The following TNKS variants were observed in gnomAD, a reference collection of about 807,000 sequenced individuals.
TNKS encodes the protein tankyrase, also known as poly [ADP-ribose] polymerase tankyrase-1.
In TNKS, 72 loss-of-function variants were observed where a neutral mutation model predicts 135.8. The ratio of observed to expected loss-of-function variants is 0.53; its 90% CI spans 0.44 to 0.64. The LOEUF (loss-of-function observed/expected upper bound fraction) is 0.64. Among genes scored for constraint, TNKS ranks in the 30% least tolerant of loss-of-function variants. The probability of loss-of-function intolerance (pLI) is 0.00; values close to 1 mark genes in which losing one functional copy is unlikely to be tolerated. For synonymous variants in TNKS, 849 were observed against 649.3 expected (o/e 1.31, Z -4.68); for missense variants, 1,769 against 1,674.0 (o/e 1.06, Z -0.99).
intron 2 of TNKS, among the ~76,000 whole-genome samples, chr8:9,584,906 A>G (rs944311142): frequency 1.3e-5 from 2 of 152,186 alleles, no homozygotes; most frequent in African/African-American, 4.8e-5. Context: ...TGGTGTTCCA[A>G]CGCATGTGGG....
At chr8:9,708,530 A>G (rs372897778) in intron 9 of TNKS, 38 bp downstream of exon 9, 6 of 1,478,258 alleles carry the variant, frequency 4.1e-6, no homozygotes, top group Non-Finnish European at 5.4e-6. Context: ...TGTGTCTATA[A>G]TAATAACGTA....
chr8:9,584,150 C>G (rs1362561451), intron 2 of TNKS, among the ~76,000 whole-genome samples: 1 of 125,212 alleles, frequency 8.0e-6, no homozygotes, highest in African/African-American at 3.1e-5. Flanking sequence ...GGTGACAGAG[C>G]AAGACTCTGT....
At chr8:9,692,239 G>T (rs781590243) in intron 5 of TNKS, among the ~76,000 whole-genome samples, 5 of 152,138 alleles carry the variant, frequency 3.3e-5, no homozygotes, top group Non-Finnish European at 5.9e-5. Context: ...TTTTCCCATC[G>T]TTGTGTTCAG....
chr8:9,615,709 A>G lies in TNKS; in HGVS notation c.994+32A>G, dbSNP rs374250803. On this transcript the variant is annotated intron_variant, in intron 3 of 26. Transcript: ENST00000310430. The stretch of plus-strand genomic sequence containing the variant: ...AGACAGAGAGCTACCGAATGATTAT[A>G]TCTGTGTAACTCCTTACTTGATTTT... 3.9e-6 allele frequency: 6 copies of G among 1,535,762 alleles called. No homozygotes were observed. In the African/African-American group the frequency reaches 6.8e-5, roughly 18 times the overall value.
intron 15 of TNKS, 56 bp from the exon 16 acceptor site, chr8:9,734,809 T>A: frequency 6.9e-7 from 1 of 1,445,694 alleles, no homozygotes; most frequent in Non-Finnish European, 9.5e-7. Context: ...CCTACCTACC[T>A]ACCTACCTAC....
chr8:9,701,617 G>C (rs1803808496), intron 5 of TNKS, among the ~76,000 whole-genome samples: 2 of 152,194 alleles, frequency 1.3e-5, no homozygotes, highest in South Asian at 2.1e-4. Flanking sequence ...CAAAATGTAT[G>C]AAACAGTGGT....
At chr8:9,587,201 G>A (rs1798413938) in intron 2 of TNKS, among the ~76,000 whole-genome samples, 1 of 152,044 alleles carries the variant, frequency 6.6e-6, no homozygotes, top group African/African-American at 2.4e-5. Context: ...AGATTCCTTA[G>A]AAGTAGAAGA....
chr8:9,751,475 A>G, intron 18 of TNKS, 134 bp from the exon 19 acceptor site: 1 of 686,274 alleles, frequency 1.5e-6, no homozygotes, highest in South Asian at 2.0e-5. Context: ...AGGAGAAGGA[A>G]TGATCAAAAA....
intron 20 of TNKS, among the ~76,000 whole-genome samples, chr8:9,759,892 G>A (rs1217399844): frequency 2.0e-5 from 3 of 151,928 alleles, no homozygotes; most frequent in Admixed American, 6.5e-5. Context: ...AGAGAATGGC[G>A]TGAACCCAGG....
intron 20 of TNKS, among the ~76,000 whole-genome samples, chr8:9,754,479 A>G (rs1028864435): frequency 1.3e-5 from 2 of 152,020 alleles, no homozygotes; most frequent in African/African-American, 2.4e-5. Flanking sequence ...ATTTATATCA[A>G]TTATACTGTT....
intron 2 of TNKS, among the ~76,000 whole-genome samples, chr8:9,583,969 C>G (rs1208873694): frequency 6.6e-6 from 1 of 151,360 alleles, no homozygotes; most frequent in Non-Finnish European, 1.5e-5. Flanking sequence ...TTGAGACCAT[C>G]CTGGCTAACA....
chr8:9,620,170 G>A (rs1198023809), intron 3 of TNKS, among the ~76,000 whole-genome samples: 1 of 152,064 alleles, frequency 6.6e-6, no homozygotes, highest in African/African-American at 2.4e-5. Flanking sequence ...GGATGGTCTC[G>A]ATCTCCTGAC....
At chr8:9,729,715 T>A (rs1439987469) in intron 13 of TNKS, among the ~76,000 whole-genome samples, 21 of 151,968 alleles carry the variant, frequency 1.4e-4, no homozygotes, top group Admixed American at 1.4e-3. Context: ...CCCTGGTTTG[T>A]TATCTATCAA....
At chr8:9,630,497 A>G (rs1035000614) in intron 3 of TNKS, among the ~76,000 whole-genome samples, 2 of 152,222 alleles carry the variant, frequency 1.3e-5, no homozygotes, top group African/African-American at 4.8e-5. Flanking sequence ...TGCAAGTTCT[A>G]CTTTCAGCTG....
In TNKS at chr8:9,579,708, AC is replaced by A. The variant is rs879781623; in HGVS notation, c.674-448del. Among the ~76,000 whole-genome samples, 283 of 152,060 alleles carry A rather than the reference AC, an allele frequency of 1.9e-3. 1 individual carries two copies. The highest frequency in any genetic ancestry group is 3.3e-3 in the Non-Finnish European group (221 of 67,984). On this transcript the variant is annotated intron_variant, in intron 1 of 26. Transcript: ENST00000310430. The stretch of plus-strand genomic sequence containing the variant: ...GGTCTTGAACTCCTGACCTCAGGTG[AC>A]CCGCCCACCTCGGCCTCACACAGTG...
At chr8:9,714,354 G>T (rs539270522) in intron 11 of TNKS, among the ~76,000 whole-genome samples, 2 of 151,102 alleles carry the variant, frequency 1.3e-5, no homozygotes, top group Admixed American at 6.6e-5. Context: ...AATCAAATGA[G>T]CATATGTATA....
chr8:9,708,075 T>A (rs1804135585), intron 8 of TNKS, among the ~76,000 whole-genome samples: 1 of 152,172 alleles, frequency 6.6e-6, no homozygotes. Context: ...ATTTAACTGG[T>A]TTCCTTTTGG....
Position 9,751,810 on chromosome 8 carries a change from G to C in TNKS, c.3034G>C (p.Asp1012His). Residue 1012 changes from aspartate to histidine, a missense_variant, in exon 19 of 27, where the codon GAT (aspartate) becomes CAT (histidine). Physicochemically the swap from Asp to His is moderately conservative, Grantham distance 81. Transcript: ENST00000310430. ...CGTAGGAGGAGCCTCCAATGCAGGG[G>C]ATGGCGCCGCGGGAACAGAAAGGAA... ...LAVGGASNAG[D>H]GAAGTERKEG... 3 of 1,614,186 alleles carry C rather than the reference G, an allele frequency of 1.9e-6. No homozygotes were observed. Among genetic ancestry groups the C allele is most frequent in the Non-Finnish European group, 2.5e-6 (3 of 1,180,042 alleles).
At chr8:9,708,653 G>A (rs1051157525) in intron 9 of TNKS, among the ~76,000 whole-genome samples, 161 bp downstream of exon 9, 1 of 151,994 alleles carries the variant, frequency 6.6e-6, no homozygotes, top group Non-Finnish European at 1.5e-5. Flanking sequence ...AGTTTGGGGG[G>A]TGATTCTTTT....
Sources: gnomAD v4.1 joint callset for allele counts (sites outside exome capture counted in the v4.1 genomes callset) on GRCh38, gnomAD v4.1.1 for gene constraint, MANE v1.5 for transcripts, NCBI Gene and HGNC (gene_info 2026-07-23, HGNC 2026-07-21) for gene names.